The following GRIN2D variants were observed in gnomAD, a reference collection of about 807,000 sequenced individuals.
GRIN2D encodes glutamate receptor ionotropic, NMDA 2D.
GRIN2D carries 37 observed loss-of-function variants against 103.2 expected under a neutral mutation model. The observed-to-expected ratio is 0.36, with a 90% CI of 0.28 to 0.47. The LOEUF (loss-of-function observed/expected upper bound fraction) is 0.47, where lower values mean the gene tolerates loss of function less well. Among genes scored for constraint, GRIN2D ranks in the 20% least tolerant of loss-of-function variants. GRIN2D has a pLI of 1.00. For synonymous variants in GRIN2D, 845 were observed against 885.6 expected (o/e 0.95, Z 0.81); for missense variants, 1,557 against 1,910.6 (o/e 0.81, Z 3.45).
chr19:48,399,018 G>A (rs919119096), intron 3 of GRIN2D, among the ~76,000 whole-genome samples, 161 bp downstream of exon 3: 5 of 152,182 alleles, frequency 3.3e-5, no homozygotes, highest in African/African-American at 1.2e-4. Context: ...GCAGGGCTTA[G>A]GGCTAGATTA....
Position 48,443,685 on chromosome 19 carries a change from C to A in GRIN2D, c.3759C>A (p.His1253Gln). Reference protein sequence around the residue: ...PAAAAPHHHRHRRAAGGWDLP... With the variant: ...PAAAAPHHHRQRRAAGGWDLP... ...CCGCCGCGCCCCACCACCACAGGCA[C>A]CGGCGCGCCGCTGGGGGCTGGGACC... The change falls in exon 14 of 14, where the codon CAC becomes CAA. Residue 1253 changes from histidine (H) to glutamine (Q), a missense_variant. His to Gln is a conservative substitution (Grantham distance 24). Coordinates refer to ENST00000263269, the MANE Select transcript of GRIN2D (RefSeq NM_000836.4). This position sits in a 1 kb window ranked among gnomAD's most constrained non-coding sequence, Gnocchi z 8.9. The A allele has an allele frequency of 8.2e-7, 1 of 1,225,342 alleles. No homozygotes were observed. Among genetic ancestry groups the A allele is most frequent in the Admixed American group, 4.4e-5 (1 of 22,850 alleles). 75.9% of individuals were successfully genotyped at this position (1,225,342 alleles called of 1,614,324 possible). A position where few individuals can be genotyped will look rare whatever the true frequency, so the allele number is the denominator to read the frequency against.
Position 48,441,130 on chromosome 19 carries a change from T to C in GRIN2D, c.2253-639T>C, listed in dbSNP as rs180935648. ...CTGTAATCTCAGCACTTTGGGAGGC[T>C]GAGACAGGTGGACCACAAGGACAGG... On this transcript the variant is annotated intron_variant, in intron 11 of 13. Coordinates refer to ENST00000263269, the MANE Select transcript of GRIN2D (RefSeq NM_000836.4). Among the ~76,000 whole-genome samples, 159 of 151,944 alleles carry C rather than the reference T, an allele frequency of 1.0e-3. 1 individual carries two copies. The highest frequency in any genetic ancestry group is 3.3e-3 in the African/African-American group (138 of 41,318).
intron 11 of GRIN2D, among the ~76,000 whole-genome samples, chr19:48,427,301 A>G (rs966341255): frequency 6.6e-6 from 1 of 151,762 alleles, no homozygotes; most frequent in Admixed American, 6.6e-5. Context: ...AGCCTGGCTG[A>G]CAGAGTGAGA....
chr19:48,430,923 G>A (rs1244202137), intron 11 of GRIN2D, among the ~76,000 whole-genome samples: 2 of 150,894 alleles, frequency 1.3e-5, no homozygotes, highest in African/African-American at 4.9e-5. Flanking sequence ...GGGTTCAAGC[G>A]ATTCTCATGC....
In GRIN2D at chr19:48,444,276, T is replaced by C. The variant is rs532243686; in HGVS notation, c.*339T>C. On this transcript the variant is annotated 3_prime_UTR_variant, in exon 14 of 14. Transcript: ENST00000263269. This position sits in a 1 kb window ranked among gnomAD's most constrained non-coding sequence, Gnocchi z 5.5. ...CGTCCCACCTCCACGCCCGGGGCCG[T>C]GGCCCCCACATCACTGTGCAGCTCC... 1.9e-5 allele frequency: 4 copies of C among 215,956 alleles called. No individual in the cohort carries two copies. The highest frequency in any genetic ancestry group is 9.1e-5 in the African/African-American group (4 of 43,794). 13.4% of individuals were successfully genotyped at this position (215,956 alleles called of 1,614,324 possible).
chr19:48,409,847 C>G (rs1372659188), intron 4 of GRIN2D, among the ~76,000 whole-genome samples: 2 of 151,884 alleles, frequency 1.3e-5, no homozygotes, highest in African/African-American at 4.8e-5. Context: ...GTGGCACAAT[C>G]TTGGTTCAGT....
In GRIN2D at chr19:48,438,287, C is replaced by CTTTTTTTTTTT. The variant is rs71181697; in HGVS notation, c.2253-3463_2253-3453dup. On this transcript the variant is annotated intron_variant, in intron 11 of 13. Transcript: ENST00000263269. ...TCTCTTCAACTCAGCATCCAGCCGC[C>CTTTTTTTTTTT]TTTTTTTTTTTTTTTTTTTTTTTTT... Among the ~76,000 whole-genome samples the CTTTTTTTTTTT allele has an allele frequency of 4.0e-3, 232 of 57,754 alleles. 30 individuals carry two copies. Among genetic ancestry groups the CTTTTTTTTTTT allele is most frequent in the African/African-American group, 9.2e-3 (122 of 13,222 alleles). The allele number at this position is 57,754 out of a possible 152,430, so 37.9% of individuals were successfully genotyped here.
chr19:48,396,355 G>A (rs1265647282), intron 2 of GRIN2D, among the ~76,000 whole-genome samples: 1 of 152,002 alleles, frequency 6.6e-6, no homozygotes, highest in Non-Finnish European at 1.5e-5. Context: ...GCCCCCGTGA[G>A]AAGGGTGGGG....
At chr19:48,416,746 T>TC (rs1433369429) in intron 8 of GRIN2D, among the ~76,000 whole-genome samples, 10 of 27,572 alleles carry the variant, frequency 3.6e-4, no homozygotes, top group Non-Finnish European at 5.4e-4. Context: ...TCTCTCTCTC[T>TC]TTTTTTTTTT....
rs1283515324 is a variant in GRIN2D at position 48,394,455 on chromosome 19, G to T, written c.-305-203G>T. On this transcript the variant is annotated intron_variant, in intron 1 of 13. Coordinates refer to ENST00000263269, the MANE Select transcript of GRIN2D (RefSeq NM_000836.4). This position sits in a 1 kb window ranked among gnomAD's most constrained non-coding sequence, Gnocchi z 5.1. ...ACAGATAGACACAGACGCTGGAAGG[G>T]GGGGTGGGGGGGCTGAGGGCACAAA... is the stretch of plus-strand genomic sequence containing the variant. Among the ~76,000 whole-genome samples, 4 of 149,942 alleles carry T rather than the reference G, an allele frequency of 2.7e-5. No homozygotes were observed. Among genetic ancestry groups the T allele is most frequent in the Admixed American group, 6.6e-5 (1 of 15,112 alleles).
Position 48,393,673 on chromosome 19 carries a change from G to A in GRIN2D, c.-501G>A, listed in dbSNP as rs1450898598. On this transcript the variant is annotated 5_prime_UTR_variant, in exon 1 of 14. Transcript: ENST00000263269. This position sits in a 1 kb window ranked among gnomAD's most constrained non-coding sequence, Gnocchi z 5.6. The stretch of plus-strand genomic sequence containing the variant: ...GGGGACTGAATGTTAATCGCATCCC[G>A]AGTGAGTGTGTGTGTGCGAGAACAC... 1.3e-5 allele frequency among the ~76,000 whole-genome samples: 2 copies of A among 149,748 alleles called. No individual in the cohort carries two copies. The highest frequency in any genetic ancestry group is 2.9e-5 in the Non-Finnish European group (2 of 67,994).
At chr19:48,433,074 A>AGC (rs72500253) in intron 11 of GRIN2D, among the ~76,000 whole-genome samples, 143,035 of 143,040 alleles carry the variant, frequency 1, 71,515 homozygotes, top group Middle Eastern at 1. Context: ...TACAGGCGTG[A>AGC]CACCACCTGC....
At chr19:48,403,010 C>G (rs1970737428) in intron 3 of GRIN2D, among the ~76,000 whole-genome samples, 1 of 151,868 alleles carries the variant, frequency 6.6e-6, no homozygotes, top group Non-Finnish European at 1.5e-5. Flanking sequence ...ACCAGCTTGG[C>G]CAACATGGTG....
intron 3 of GRIN2D, among the ~76,000 whole-genome samples, chr19:48,401,805 T>C (rs950342229): frequency 6.6e-6 from 1 of 152,158 alleles, no homozygotes; most frequent in African/African-American, 2.4e-5. Context: ...GATGCAAGAT[T>C]GAAAACAAAG....
At chr19:48,441,742 C>G in intron 11 of GRIN2D, 27 bp from the exon 12 acceptor site, 2 of 1,590,244 alleles carry the variant, frequency 1.3e-6, no homozygotes, top group Non-Finnish European at 1.7e-6. Flanking sequence ...TGGGACTGAC[C>G]CTACCCTCCA....
At chr19:48,417,139 C>T (rs888884911) in intron 8 of GRIN2D, among the ~76,000 whole-genome samples, 1 of 152,128 alleles carries the variant, frequency 6.6e-6, no homozygotes, top group Non-Finnish European at 1.5e-5. Context: ...ACTCCGGAGG[C>T]TGAGGTGTAA....
rs1442373122 is a variant in GRIN2D at position 48,415,049 on chromosome 19, G to A, written c.1581+17G>A. 1 of 1,562,390 alleles carries A rather than the reference G, an allele frequency of 6.4e-7. No homozygotes were observed. The highest frequency in any genetic ancestry group is 1.8e-5 in the Admixed American group (1 of 55,050). ...ATCGGGGAGGTGAGGGGGCGGACGG[G>A]AGGCGGGGAATCTTCGGGGCGGAGT... On this transcript the variant is annotated intron_variant, in intron 7 of 13. Coordinates refer to ENST00000263269, the MANE Select transcript of GRIN2D (RefSeq NM_000836.4).
At position 48,443,381 on chromosome 19, in the gene GRIN2D, A is replaced by G; in HGVS notation, c.3455A>G (p.Tyr1152Cys). ...AERLGPPPGR[Y>C]WSVDKLGGWR... is the part of the protein sequence containing the mutation. ...CGCCTCGGGCCGCCGCCCGGCCGCT[A>G]CTGGTCGGTCGACAAGCTCGGGGGC... The change falls in exon 14 of 14, where the codon TAC becomes TGC. Residue 1152 changes from tyrosine (Y) to cysteine (C), a missense_variant. Around this residue, in one of 7 missense-constraint regions of GRIN2D, gnomAD observed 632 missense variants for 572.8 expected, o/e 1.10. Transcript: ENST00000263269. The surrounding 1 kb of genome is among the most constrained non-coding windows in gnomAD (Gnocchi z 8.9). 3 of 1,472,036 alleles carry G rather than the reference A, an allele frequency of 2.0e-6. No homozygotes were observed. Among genetic ancestry groups the G allele is most frequent in the Non-Finnish European group, 2.7e-6 (3 of 1,117,792 alleles). 91.2% of individuals were successfully genotyped at this position (1,472,036 alleles called of 1,614,324 possible).
chr19:48,407,179 G>A (rs900502822), intron 4 of GRIN2D, among the ~76,000 whole-genome samples: 1 of 151,454 alleles, frequency 6.6e-6, no homozygotes, highest in Non-Finnish European at 1.5e-5. Flanking sequence ...TGCCATGTTG[G>A]TCAGGCCAGT....
Sources: allele counts gnomAD v4.1 joint callset (sites outside exome capture counted in the v4.1 genomes callset), GRCh38; gene constraint gnomAD v4.1.1; regional missense constraint gnomAD v4.1.1; non-coding constraint Gnocchi (gnomAD v3.1); transcripts MANE v1.5; gene names NCBI Gene and HGNC (gene_info 2026-07-23, HGNC 2026-07-21).